HECW1: variants seen among roughly 807,000 people sequenced by gnomAD.
HECW1 encodes the protein E3 ubiquitin-protein ligase HECW1.
Under a neutral mutation model 182.3 loss-of-function variants are expected in HECW1, and 61 were observed. That is an observed-to-expected ratio of 0.33 (90% confidence interval 0.27 to 0.41). The LOEUF is 0.41. Among genes scored for constraint, HECW1 ranks in the 10% least tolerant of loss-of-function variants. The probability of loss-of-function intolerance (pLI) is 1.00; values close to 1 mark genes in which losing one functional copy is unlikely to be tolerated. For missense variants in HECW1, 1,739 were observed against 2,108.9 expected, an observed-to-expected ratio of 0.82 and a Z score of 3.44; for synonymous variants, 859 against 832.6, an observed-to-expected ratio of 1.03 and a Z score of -0.55.
chr7:43,361,079 T>C, intron 6 of HECW1, 99 bp downstream of exon 6: 1 of 730,506 alleles, frequency 1.4e-6, no homozygotes, highest in Non-Finnish European at 2.4e-6. Flanking sequence ...TGTGTGTGTG[T>C]GTGTGTGTGT....
In HECW1 at chr7:43,117,167, C is replaced by T. The variant is rs2152595043; in HGVS notation, c.-32+2776C>T. Among the ~76,000 whole-genome samples, 2 of 152,218 alleles carry T rather than the reference C, an allele frequency of 1.3e-5. 1 individual carries two copies. The highest frequency in any genetic ancestry group is 4.2e-4 in the South Asian group (2 of 4,816). ...CAGTGGTGGAAAAAGTATGCAATCTCCAAAATGTACAAAGTGTTTAGAATT... is the reference window on the plus strand; with the variant it reads ...CAGTGGTGGAAAAAGTATGCAATCTTCAAAATGTACAAAGTGTTTAGAATT... On this transcript the variant is annotated intron_variant, in intron 2 of 29. Transcript: ENST00000395891.
chr7:43,419,855 A>G (rs2076125580), intron 8 of HECW1, among the ~76,000 whole-genome samples: 1 of 152,200 alleles, frequency 6.6e-6, no homozygotes, highest in Non-Finnish European at 1.5e-5. Flanking sequence ...AACAAAGGAG[A>G]CAAGGTCATT....
At chr7:43,250,556 G>C (rs1799919886) in intron 3 of HECW1, among the ~76,000 whole-genome samples, 1 of 152,142 alleles carries the variant, frequency 6.6e-6, no homozygotes, top group Non-Finnish European at 1.5e-5. Context: ...AAGAAGAGAG[G>C]ACAGGGGAAG....
chr7:43,239,643 C>G (rs1217314592), intron 2 of HECW1, among the ~76,000 whole-genome samples: 1 of 152,252 alleles, frequency 6.6e-6, no homozygotes, highest in African/African-American at 2.4e-5. Flanking sequence ...CTTAGGACAA[C>G]TTAAAATAAT....
In HECW1 at chr7:43,432,546, G is replaced by C. The variant is rs2076588392; in HGVS notation, c.802-5457G>C. Among the ~76,000 whole-genome samples the C allele has an allele frequency of 1.3e-5, 2 of 152,160 alleles. No homozygotes were observed. Among genetic ancestry groups the C allele is most frequent in the Non-Finnish European group, 2.9e-5 (2 of 68,032 alleles). Reference sequence around the variant, plus strand: ...GGGAAGCCTTACTATAGCATCTTCTGCTTTGTCATTTTCTGCCTGCAGTGT... The same window carrying C: ...GGGAAGCCTTACTATAGCATCTTCTCCTTTGTCATTTTCTGCCTGCAGTGT... On this transcript the variant is annotated intron_variant, in intron 8 of 29. Transcript: ENST00000395891. This position sits in a 1 kb window ranked among gnomAD's most constrained non-coding sequence, Gnocchi z 4.1.
chr7:43,167,507 A>G (rs996774233), intron 2 of HECW1, among the ~76,000 whole-genome samples: 1 of 152,200 alleles, frequency 6.6e-6, no homozygotes, highest in Non-Finnish European at 1.5e-5. Context: ...GGAGGTTGGA[A>G]GAGGTTCGGA....
At chr7:43,279,392 A>G (rs1267797135) in intron 3 of HECW1, among the ~76,000 whole-genome samples, 1 of 152,036 alleles carries the variant, frequency 6.6e-6, no homozygotes, top group African/African-American at 2.4e-5. Context: ...CTGCACTTTC[A>G]TCAGATCCTG....
chr7:43,377,442 A>T (rs2074376999), intron 6 of HECW1, among the ~76,000 whole-genome samples: 2 of 152,052 alleles, frequency 1.3e-5, no homozygotes, highest in South Asian at 4.1e-4. Flanking sequence ...CACAATAATT[A>T]ATCTCAGGTT....
intron 3 of HECW1, among the ~76,000 whole-genome samples, chr7:43,306,298 G>A (rs1357979727): frequency 6.6e-6 from 1 of 151,570 alleles, no homozygotes; most frequent in East Asian, 1.9e-4. Flanking sequence ...ATTTCTGTCT[G>A]TTTTGTATTT....
intron 23 of HECW1, among the ~76,000 whole-genome samples, chr7:43,508,436 T>G (rs374929582): frequency 1.3e-5 from 2 of 152,322 alleles, no homozygotes; most frequent in African/African-American, 4.8e-5. Flanking sequence ...AAAAAACTCT[T>G]TCTCTTAAAG....
chr7:43,149,198 C>A (rs1404236087), intron 2 of HECW1, among the ~76,000 whole-genome samples: 1 of 152,030 alleles, frequency 6.6e-6, no homozygotes, highest in Non-Finnish European at 1.5e-5. Flanking sequence ...GTTAGAGCAG[C>A]GACCCCCTTA....
intron 2 of HECW1, among the ~76,000 whole-genome samples, chr7:43,173,274 GA>G (rs11315311): frequency 1 from 152,342 of 152,342 alleles, 76,171 homozygotes; most frequent in Non-Finnish European, 1. Context: ...CTAAGCAGAG[GA>G]AGAATGGTTT....
At chr7:43,319,587 CTTTCT>C (rs1181414116) in intron 4 of HECW1, among the ~76,000 whole-genome samples, 1 of 91,670 alleles carries the variant, frequency 1.1e-5, no homozygotes, top group African/African-American at 6.0e-5. Context: ...TGTTCTTTTC[CTTTCT>C]TTTCTTTTCT....
At chr7:43,283,123 CA>C (rs555000439) in intron 3 of HECW1, among the ~76,000 whole-genome samples, 75 of 137,662 alleles carry the variant, frequency 5.4e-4, no homozygotes, top group Admixed American at 8.8e-4. Context: ...AGACTATCTC[CA>C]AAAAAAAAAA....
Position 43,445,464 on chromosome 7 carries a change from C to T in HECW1, c.2292C>T (p.Asn764=), listed in dbSNP as rs1026932363. 11 of 1,612,536 alleles carry T rather than the reference C, an allele frequency of 6.8e-6. No homozygotes were observed. The highest frequency in any genetic ancestry group is 1.1e-5 in the South Asian group (1 of 91,082). The change falls in exon 11 of 30, where the codon AAC becomes AAT. Residue 764 remains asparagine (N), a synonymous_variant. Coordinates refer to ENST00000395891, the MANE Select transcript of HECW1 (RefSeq NM_015052.5). ...QSPELDPEST[N]GAGPWQDELA... ...CTGAGCTGGACCCGGAGTCCACGAACGGCGCTGGGCCGTGGCAAGACGAGC... is the reference window on the plus strand; with the variant it reads ...CTGAGCTGGACCCGGAGTCCACGAATGGCGCTGGGCCGTGGCAAGACGAGC...
At chr7:43,372,014 A>G (rs2024267) in intron 6 of HECW1, among the ~76,000 whole-genome samples, 89,918 of 151,700 alleles carry the variant, frequency 0.59, 26,947 homozygotes, top group African/African-American at 0.67. Flanking sequence ...TAGAGATGGG[A>G]TTTCACCATG....
intron 2 of HECW1, among the ~76,000 whole-genome samples, chr7:43,131,861 T>C (rs1487294426): frequency 6.6e-6 from 1 of 152,176 alleles, no homozygotes; most frequent in Non-Finnish European, 1.5e-5. Flanking sequence ...ACATTTTCAG[T>C]TGGCACAAGT....
intron 6 of HECW1, among the ~76,000 whole-genome samples, chr7:43,390,646 G>A (rs1562924372): frequency 6.6e-6 from 1 of 152,040 alleles, no homozygotes; most frequent in Non-Finnish European, 1.5e-5. Context: ...ATGACCCCAG[G>A]GGGTTAACAG....
intron 24 of HECW1, among the ~76,000 whole-genome samples, chr7:43,516,155 G>A (rs1288194227): frequency 1.3e-5 from 2 of 152,054 alleles, no homozygotes; most frequent in East Asian, 1.9e-4. Flanking sequence ...ATTCGTTGTC[G>A]TTTCTTCCCG....
Sources: allele counts gnomAD v4.1 joint callset (sites outside exome capture counted in the v4.1 genomes callset), GRCh38; gene constraint gnomAD v4.1.1; non-coding constraint Gnocchi (gnomAD v3.1); transcripts MANE v1.5; gene names NCBI Gene and HGNC (gene_info 2026-07-23, HGNC 2026-07-21).